The following SLC60A1 variants were observed in gnomAD, a reference collection of about 807,000 sequenced individuals.
The protein encoded by SLC60A1 is solute carrier family 60 member 1.
At chr1:205,585,221 T>A in the SLC60A1 span, among the ~76,000 whole-genome samples, 60 of 152,110 alleles carry the variant, frequency 3.9e-4, no homozygotes, top group Admixed American at 1.2e-3. This position sits in a 1 kb window ranked among gnomAD's most constrained non-coding sequence, Gnocchi z 4.2. Flanking sequence ...TATTTTTGTT[T>A]TATTTTTGTT....
the SLC60A1 span, among the ~76,000 whole-genome samples, chr1:205,591,539 G>A: frequency 2.0e-5 from 3 of 151,108 alleles, no homozygotes; most frequent in African/African-American, 7.3e-5. Context: ...TCCAACCATA[G>A]GTTAGCATCT....
the SLC60A1 span, among the ~76,000 whole-genome samples, chr1:205,591,734 C>G: frequency 1.3e-5 from 2 of 152,136 alleles, no homozygotes; most frequent in African/African-American, 4.8e-5. Flanking sequence ...GAAGCAGCTT[C>G]TCACAAAGAA....
At chr1:205,582,166 C>T in the SLC60A1 span, among the ~76,000 whole-genome samples, 14 of 152,186 alleles carry the variant, frequency 9.2e-5, no homozygotes, top group African/African-American at 3.1e-4. Context: ...CCGTTCCTTC[C>T]AGGAGAGACC....
chr1:205,569,344 C>T, the SLC60A1 span: 1 of 1,377,854 alleles, frequency 7.3e-7, no homozygotes, highest in Non-Finnish European at 9.5e-7. Flanking sequence ...CCCCCGGCAC[C>T]CACCCTCGCC....
the SLC60A1 span, among the ~76,000 whole-genome samples, chr1:205,574,357 G>T: frequency 6.6e-6 from 1 of 151,902 alleles, no homozygotes; most frequent in East Asian, 1.9e-4. Context: ...AAGTGGGAGG[G>T]TCACTTGAGC....
chr1:205,578,403 C>G, the SLC60A1 span, among the ~76,000 whole-genome samples: 1 of 152,226 alleles, frequency 6.6e-6, no homozygotes. Context: ...CACTCTCCCT[C>G]CATCTCCTAA....
At chr1:205,569,432 G>C in the SLC60A1 span, 1 of 417,666 alleles carries the variant, frequency 2.4e-6, no homozygotes. Context: ...CCCGCCTCCC[G>C]GCCGCGACCA....
chr1:205,586,162 C>T, the SLC60A1 span: 2 of 1,613,722 alleles, frequency 1.2e-6, no homozygotes, highest in Non-Finnish European at 8.5e-7. Context: ...TCTCCATTCC[C>T]ATATCCTCAA....
the SLC60A1 span, chr1:205,586,239 G>C: frequency 5.6e-6 from 9 of 1,610,518 alleles, no homozygotes; most frequent in Non-Finnish European, 6.8e-6. Context: ...TCTCTCTTCT[G>C]AGAGACCCAG....
chr1:205,584,378 C>A, the SLC60A1 span, among the ~76,000 whole-genome samples: 4 of 151,754 alleles, frequency 2.6e-5, no homozygotes, highest in African/African-American at 4.8e-5. Context: ...CATGCCACTA[C>A]ACCTGGCTAA....
chr1:205,592,765 T>G, the SLC60A1 span, among the ~76,000 whole-genome samples: 31,602 of 150,006 alleles, frequency 0.21, 3,537 homozygotes, highest in Non-Finnish European at 0.23. Flanking sequence ...CAGTTAAGCT[T>G]CTTTTTTCCA....
chr1:205,569,168 C>T, the SLC60A1 span: 1 of 1,542,910 alleles, frequency 6.5e-7, no homozygotes, highest in Non-Finnish European at 8.7e-7. Context: ...TGTGCATCGC[C>T]TTCCTGGGGC....
the SLC60A1 span, among the ~76,000 whole-genome samples, chr1:205,589,343 G>A: frequency 2.6e-5 from 4 of 152,320 alleles, no homozygotes; most frequent in East Asian, 5.8e-4. Flanking sequence ...ACGGTAGGCA[G>A]GGTGGGGGAT....
At chr1:205,589,738 A>G in the SLC60A1 span, among the ~76,000 whole-genome samples, 1 of 152,056 alleles carries the variant, frequency 6.6e-6, no homozygotes, top group East Asian at 1.9e-4. Context: ...GACAGGAGCC[A>G]CCATCTCCAG....
chr1:205,592,217 C>G, the SLC60A1 span: 1 of 1,614,138 alleles, frequency 6.2e-7, no homozygotes, highest in Non-Finnish European at 8.5e-7. Context: ...GGACGGCAAG[C>G]CTGGGCCTGT....
chr1:205,580,320 C>T, the SLC60A1 span, among the ~76,000 whole-genome samples: 1 of 152,170 alleles, frequency 6.6e-6, no homozygotes, highest in African/African-American at 2.4e-5. This position sits in a 1 kb window ranked among gnomAD's most constrained non-coding sequence, Gnocchi z 5.0. Context: ...TTTTTGTGCC[C>T]CCTTCCCTTT....
the SLC60A1 span, among the ~76,000 whole-genome samples, chr1:205,576,762 A>G: frequency 6.6e-6 from 1 of 152,178 alleles, no homozygotes; most frequent in Non-Finnish European, 1.5e-5. Flanking sequence ...GATGTTTGGA[A>G]TGCCCAGGCA....
the SLC60A1 span, among the ~76,000 whole-genome samples, chr1:205,587,906 G>A: frequency 6.6e-6 from 1 of 152,278 alleles, no homozygotes; most frequent in East Asian, 1.9e-4. Flanking sequence ...GTGGAAATCT[G>A]GGTTTGGGAA....
At chr1:205,602,724 C>T in the SLC60A1 span, 1 of 152,072 alleles carries the variant, frequency 6.6e-6, no homozygotes, top group South Asian at 2.1e-4. Flanking sequence ...CTGACTGTAG[C>T]GAGTAACTGA....
Sources: allele counts gnomAD v4.1 joint callset (sites outside exome capture counted in the v4.1 genomes callset), GRCh38; gene constraint gnomAD v4.1.1; non-coding constraint Gnocchi (gnomAD v3.1); transcripts MANE v1.5; gene names NCBI Gene and HGNC (gene_info 2026-07-23, HGNC 2026-07-21).